PALD1: variants seen among roughly 807,000 people sequenced by gnomAD.
PALD1 encodes the protein phosphatase domain containing paladin 1.
Under a neutral mutation model 96.0 loss-of-function variants are expected in PALD1, and 57 were observed. The ratio of observed to expected loss-of-function variants is 0.59; its 90% CI spans 0.48 to 0.74. The LOEUF is 0.74. PALD1 is among the 30% of genes least tolerant of loss of function. The probability of loss-of-function intolerance (pLI) is 0.00; values close to 1 mark genes in which losing one functional copy is unlikely to be tolerated. For missense variants in PALD1, 1,063 were observed against 1,143.7 expected, an observed-to-expected ratio of 0.93 and a Z score of 1.02; for synonymous variants, 464 against 473.6, an observed-to-expected ratio of 0.98 and a Z score of 0.26.
At chr10:70,468,702 CTGTGTGTG>C in the PALD1 span, among the ~76,000 whole-genome samples, 2,062 of 123,856 alleles carry the variant, frequency 0.017, 27 homozygotes, top group African/African-American at 0.037. Flanking sequence ...TGAGGCAGGA[CTGTGTGTG>C]TGTGTGTGTG....
intron 18 of PALD1, among the ~76,000 whole-genome samples, chr10:70,550,007 C>G (rs1847449388): frequency 6.6e-6 from 1 of 152,246 alleles, no homozygotes; most frequent in Non-Finnish European, 1.5e-5. Context: ...TTGGAGGGCC[C>G]AGAGGCAAGA....
intron 18 of PALD1, 35 bp downstream of exon 18, chr10:70,547,481 C>T (rs1847393404): frequency 6.9e-7 from 1 of 1,441,556 alleles, no homozygotes; most frequent in African/African-American, 1.4e-5. Flanking sequence ...CACCCTGCCC[C>T]AGCCACCCTT....
chr10:70,549,450 G>A (rs1847434487), intron 18 of PALD1, among the ~76,000 whole-genome samples: 1 of 152,236 alleles, frequency 6.6e-6, no homozygotes, highest in Non-Finnish European at 1.5e-5. Context: ...TCTGAGCTCT[G>A]CAGCCCTCGA....
the PALD1 span, among the ~76,000 whole-genome samples, chr10:70,462,881 A>G: frequency 1.3e-5 from 2 of 152,322 alleles, no homozygotes; most frequent in Non-Finnish European, 2.9e-5. Context: ...CCGTGGCCAC[A>G]CCCAGGAGCC....
chr10:70,503,934 G>A (rs4747042), intron 1 of PALD1, among the ~76,000 whole-genome samples: 71,317 of 152,116 alleles, frequency 0.47, 17,211 homozygotes, highest in East Asian at 0.66. Flanking sequence ...TTGGGAGCGT[G>A]ATGTAAGATG....
intron 2 of PALD1, 39 bp from the exon 3 acceptor site, chr10:70,529,190 T>C (rs1846935132): frequency 1.3e-6 from 1 of 760,254 alleles, no homozygotes; most frequent in African/African-American, 1.9e-5. Flanking sequence ...GGAGGTTGCT[T>C]GACTCAGTTT....
chr10:70,501,317 G>T (rs1194407596), intron 1 of PALD1, among the ~76,000 whole-genome samples: 2 of 152,132 alleles, frequency 1.3e-5, no homozygotes, highest in Non-Finnish European at 2.9e-5. Context: ...GGCCTCCCTG[G>T]GCCTCCATGG....
At chr10:70,565,261 C>T (rs1847820820) in intron 19 of PALD1, among the ~76,000 whole-genome samples, 1 of 152,214 alleles carries the variant, frequency 6.6e-6, no homozygotes, top group African/African-American at 2.4e-5. Context: ...TAAGACACCT[C>T]CCTTGCTGTC....
chr10:70,495,027 T>C (rs538037749), intron 1 of PALD1, among the ~76,000 whole-genome samples: 1 of 152,332 alleles, frequency 6.6e-6, no homozygotes, highest in Admixed American at 6.5e-5. Context: ...AGAAGTAAAC[T>C]ATCAGGATGC....
At chr10:70,482,951 G>A (rs1190655376) in intron 1 of PALD1, among the ~76,000 whole-genome samples, 2 of 152,190 alleles carry the variant, frequency 1.3e-5, no homozygotes, top group African/African-American at 4.8e-5. Context: ...GGACCAGTTG[G>A]TGGGAAGGGA....
chr10:70,466,848 G>A, the PALD1 span, among the ~76,000 whole-genome samples: 632 of 152,254 alleles, frequency 4.2e-3, 2 homozygotes, highest in African/African-American at 0.014. Flanking sequence ...GCTCACCTCC[G>A]GGATGCTGCC....
intron 18 of PALD1, among the ~76,000 whole-genome samples, chr10:70,555,491 T>A (rs1847586688): frequency 7.4e-6 from 1 of 135,584 alleles, no homozygotes; most frequent in Non-Finnish European, 1.7e-5. Context: ...GGGGGCAATC[T>A]TGTGGTGGCA....
chr10:70,513,485 G>GGT (rs1846558389), intron 1 of PALD1, among the ~76,000 whole-genome samples: 1 of 152,162 alleles, frequency 6.6e-6, no homozygotes, highest in African/African-American at 2.4e-5. Context: ...CCTCCAGCCT[G>GGT]GGCGACACAG....
chr10:70,535,454 CT>C (rs1237436622), intron 10 of PALD1, among the ~76,000 whole-genome samples: 2 of 114,656 alleles, frequency 1.7e-5, no homozygotes, highest in East Asian at 6.0e-4. Flanking sequence ...CTCCTTCCCC[CT>C]CTTCCTCTTC....
At chr10:70,482,082 A>G (rs1403442555) in intron 1 of PALD1, among the ~76,000 whole-genome samples, 1 of 152,194 alleles carries the variant, frequency 6.6e-6, no homozygotes, top group African/African-American at 2.4e-5. Context: ...CCCTGTGGCC[A>G]GGACTCTGCA....
rs1589225185 is a variant in PALD1 at position 70,567,422 on chromosome 10, C to T, written c.*689C>T. On this transcript the variant is annotated 3_prime_UTR_variant, in exon 20 of 20. Coordinates refer to ENST00000263563, the MANE Select transcript of PALD1 (RefSeq NM_014431.3). ...GAGCTGGAGACTTCAGGGAGCCCCT[C>T]TCATGGGGAGGAAAGAGCTTCCAGG... is the stretch of plus-strand genomic sequence containing the variant. 6.5e-6 allele frequency: 1 copy of T among 152,796 alleles called. No individual in the cohort carries two copies. Among genetic ancestry groups the T allele is most frequent in the South Asian group, 2.1e-4 (1 of 4,832 alleles). 9.5% of individuals were successfully genotyped at this position (152,796 alleles called of 1,614,324 possible). A position where few individuals can be genotyped will look rare whatever the true frequency, so the allele number is the denominator to read the frequency against.
At chr10:70,488,706 G>A (rs1327668037) in intron 1 of PALD1, among the ~76,000 whole-genome samples, 1 of 152,212 alleles carries the variant, frequency 6.6e-6, no homozygotes. Flanking sequence ...CTGAGCACAT[G>A]CCCTGAGCTG....
At chr10:70,463,153 C>T in the PALD1 span, among the ~76,000 whole-genome samples, 2 of 152,158 alleles carry the variant, frequency 1.3e-5, no homozygotes, top group Non-Finnish European at 2.9e-5. Flanking sequence ...GCCTGTAATC[C>T]CAGCACTTTG....
At chr10:70,527,695 G>C (rs144695879) in intron 2 of PALD1, among the ~76,000 whole-genome samples, 94 of 152,306 alleles carry the variant, frequency 6.2e-4, no homozygotes, top group Non-Finnish European at 4.3e-4. Flanking sequence ...CATGGGTCAC[G>C]TGGTAACAAG....
Sources: gnomAD v4.1 joint callset for allele counts (sites outside exome capture counted in the v4.1 genomes callset) on GRCh38, gnomAD v4.1.1 for gene constraint, MANE v1.5 for transcripts, NCBI Gene and HGNC (gene_info 2026-07-23, HGNC 2026-07-21) for gene names.